The following CHRM3 variants were observed in gnomAD, a reference collection of about 807,000 sequenced individuals.
CHRM3 encodes the protein muscarinic acetylcholine receptor M3.
In CHRM3, 11 loss-of-function variants were observed where a neutral mutation model predicts 41.8. The ratio of observed to expected loss-of-function variants is 0.26; its 90% confidence interval spans 0.17 to 0.44. The LOEUF is 0.44. Ranked by LOEUF, CHRM3 falls within the 20% of genes least tolerant of loss-of-function variation. The pLI is 1.00. For synonymous variants in CHRM3, 297 were observed against 301.4 expected, an observed-to-expected ratio of 0.99 and a Z score of 0.15; for missense variants, 571 against 745.4, an observed-to-expected ratio of 0.77 and a Z score of 2.72.
At chr1:239,893,908 C>T (rs1261816975) in intron 6 of CHRM3, among the ~76,000 whole-genome samples, 1 of 152,014 alleles carries the variant, frequency 6.6e-6, no homozygotes, top group Non-Finnish European at 1.5e-5. Flanking sequence ...CCAGTTTTTC[C>T]TATTGGTGAG....
intron 6 of CHRM3, among the ~76,000 whole-genome samples, chr1:239,843,500 T>C (rs1674008748): frequency 6.9e-6 from 1 of 145,516 alleles, no homozygotes; most frequent in African/African-American, 2.5e-5. Flanking sequence ...ATCATTTGCT[T>C]TAATATAGCA....
intron 6 of CHRM3, among the ~76,000 whole-genome samples, chr1:239,902,695 C>T (rs1309387634): frequency 1.3e-5 from 2 of 152,150 alleles, no homozygotes; most frequent in Non-Finnish European, 2.9e-5. Flanking sequence ...CTTCTTTTCT[C>T]GTTGCTTTAA....
chr1:239,716,304 T>C (rs1662359362), intron 5 of CHRM3, among the ~76,000 whole-genome samples: 4 of 152,040 alleles, frequency 2.6e-5, no homozygotes, highest in Non-Finnish European at 4.4e-5. Context: ...GTTGGCGCTG[T>C]TTAGAGAATA....
At chr1:239,661,893 A>C (rs1673228182) in intron 4 of CHRM3, among the ~76,000 whole-genome samples, 1 of 152,132 alleles carries the variant, frequency 6.6e-6, no homozygotes, top group Non-Finnish European at 1.5e-5. Context: ...TAACAAAGGA[A>C]ACTGTGTGTG....
chr1:239,701,973 T>A (rs1368981305), intron 5 of CHRM3, among the ~76,000 whole-genome samples: 1 of 152,240 alleles, frequency 6.6e-6, no homozygotes, highest in Non-Finnish European at 1.5e-5. Context: ...AGTCAACTCC[T>A]AATGTCTAGA....
chr1:239,522,058 C>T (rs564023760), intron 2 of CHRM3, among the ~76,000 whole-genome samples: 2 of 151,756 alleles, frequency 1.3e-5, no homozygotes, highest in East Asian at 3.9e-4. Flanking sequence ...CCATAGTGCT[C>T]TTCTTACAGG....
chr1:239,536,673 A>T (rs928013762), intron 2 of CHRM3, among the ~76,000 whole-genome samples: 1 of 152,150 alleles, frequency 6.6e-6, no homozygotes, highest in African/African-American at 2.4e-5. Flanking sequence ...TGGGCTGGTA[A>T]ATGTAAAACA....
At chr1:239,642,051 C>G (rs1375031662) in intron 4 of CHRM3, among the ~76,000 whole-genome samples, 1 of 127,406 alleles carries the variant, frequency 7.8e-6, no homozygotes, top group Non-Finnish European at 1.7e-5. Flanking sequence ...ATATGAAATT[C>G]TGGGTTGAAA....
At chr1:239,790,270 G>A (rs554990283) in intron 5 of CHRM3, among the ~76,000 whole-genome samples, 8 of 152,292 alleles carry the variant, frequency 5.3e-5, no homozygotes, top group African/African-American at 1.9e-4. Flanking sequence ...GAGGACATGA[G>A]ATTTGGGAGG....
chr1:239,490,181 C>T (rs1667465774), intron 1 of CHRM3, among the ~76,000 whole-genome samples: 1 of 152,098 alleles, frequency 6.6e-6, no homozygotes, highest in Non-Finnish European at 1.5e-5. Flanking sequence ...TTCATTGATT[C>T]CTGATTGGTT....
chr1:239,668,093 T>C (rs1673999946), intron 4 of CHRM3, among the ~76,000 whole-genome samples: 1 of 126,646 alleles, frequency 7.9e-6, no homozygotes, highest in Non-Finnish European at 1.7e-5. Flanking sequence ...CCCTTTCTTT[T>C]TTTTTTTTTT....
At chr1:239,442,451 C>G (rs919219472) in intron 1 of CHRM3, among the ~76,000 whole-genome samples, 1 of 145,790 alleles carries the variant, frequency 6.9e-6, no homozygotes, top group Non-Finnish European at 1.5e-5. Flanking sequence ...AGAGAAAACC[C>G]TTTTTTTTTT....
At chr1:239,834,982 T>C (rs533088837) in intron 6 of CHRM3, among the ~76,000 whole-genome samples, 5 of 152,280 alleles carry the variant, frequency 3.3e-5, no homozygotes, top group East Asian at 1.9e-4. Flanking sequence ...AATGGAAATA[T>C]GGGTGAGCTT....
chr1:239,701,940 TTTTG>T (rs1660726178), intron 5 of CHRM3, among the ~76,000 whole-genome samples: 1 of 152,328 alleles, frequency 6.6e-6, no homozygotes, highest in South Asian at 2.1e-4. Context: ...ATTTATTTGC[TTTTG>T]TTTATGTTAA....
intron 3 of CHRM3, among the ~76,000 whole-genome samples, chr1:239,565,208 C>G (rs1341791754): frequency 3.3e-5 from 5 of 152,124 alleles, no homozygotes; most frequent in Non-Finnish European, 5.9e-5. Flanking sequence ...TGCAAAGACC[C>G]TTTTTCCAAA....
At chr1:239,809,407 C>T (rs556471771) in intron 5 of CHRM3, among the ~76,000 whole-genome samples, 1 of 152,192 alleles carries the variant, frequency 6.6e-6, no homozygotes, top group Admixed American at 6.5e-5. Flanking sequence ...TCTGTTCGCC[C>T]ACTTCCTCAT....
At chr1:239,550,530 T>G (rs1426086997) in intron 3 of CHRM3, among the ~76,000 whole-genome samples, 1 of 152,222 alleles carries the variant, frequency 6.6e-6, no homozygotes, top group Non-Finnish European at 1.5e-5. Context: ...ATAATTACAT[T>G]TGGCATGTTA....
intron 1 of CHRM3, among the ~76,000 whole-genome samples, chr1:239,480,408 T>C (rs1289892496): frequency 6.6e-6 from 1 of 152,152 alleles, no homozygotes; most frequent in East Asian, 1.9e-4. Context: ...TCATAGCACA[T>C]GAACAGTATC....
At chr1:239,547,527 G>A (rs565100307) in intron 3 of CHRM3, among the ~76,000 whole-genome samples, 17 of 152,212 alleles carry the variant, frequency 1.1e-4, no homozygotes, top group African/African-American at 3.9e-4. Flanking sequence ...TATTAATTGT[G>A]AAGTTTTCAA....
Sources: gnomAD v4.1 joint callset for allele counts (sites outside exome capture counted in the v4.1 genomes callset) on GRCh38, gnomAD v4.1.1 for gene constraint, MANE v1.5 for transcripts, NCBI Gene and HGNC (gene_info 2026-07-23, HGNC 2026-07-21) for gene names.